The following USH2A variants were observed in gnomAD, a reference collection of about 807,000 sequenced individuals.
USH2A encodes usherin, also known as Usher syndrome 2A (autosomal recessive, mild).
Under a neutral mutation model 538.9 loss-of-function variants are expected in USH2A, and 443 were observed. The ratio of observed to expected loss-of-function variants is 0.82; its 90% CI spans 0.76 to 0.89. The LOEUF is 0.89. Ranked by LOEUF, USH2A falls within the 40% of genes least tolerant of loss-of-function variation. The pLI, the probability that USH2A is intolerant of heterozygous loss-of-function variation, is 0.00. For missense variants in USH2A, 6,633 were observed against 6,324.8 expected (o/e 1.05, Z -1.65); for synonymous variants, 2,413 against 2,273.5 (o/e 1.06, Z -1.75).
At chr1:215,990,653 G>A (rs1338901241) in intron 35 of USH2A, among the ~76,000 whole-genome samples, 1 of 151,848 alleles carries the variant, frequency 6.6e-6, no homozygotes, top group Non-Finnish European at 1.5e-5. Flanking sequence ...TTAAGGAAGA[G>A]TAGAATGATT....
intron 21 of USH2A, among the ~76,000 whole-genome samples, chr1:216,120,025 T>C (rs180758629): frequency 2.8e-3 from 432 of 152,194 alleles, no homozygotes; most frequent in African/African-American, 1.0e-2. Flanking sequence ...ATAAACATTT[T>C]TCTAATGTGG....
At chr1:216,178,913 G>A (rs1424848666) in intron 20 of USH2A, among the ~76,000 whole-genome samples, 1 of 152,138 alleles carries the variant, frequency 6.6e-6, no homozygotes, top group Non-Finnish European at 1.5e-5. Context: ...CACCAAAGAT[G>A]TAGACAGAGC....
intron 61 of USH2A, among the ~76,000 whole-genome samples, chr1:215,686,581 G>A (rs1202111714): frequency 2.0e-5 from 3 of 151,986 alleles, no homozygotes; most frequent in Non-Finnish European, 2.9e-5. Context: ...CATTTGTTAG[G>A]AAACAATAAG....
chr1:215,949,752 T>C (rs79270451), intron 37 of USH2A, among the ~76,000 whole-genome samples: 4,878 of 152,150 alleles, frequency 0.032, 122 homozygotes, highest in South Asian at 0.083. Context: ...TCTGAAGTAC[T>C]ACATCATAAA....
intron 47 of USH2A, among the ~76,000 whole-genome samples, chr1:215,823,574 C>T (rs1201035014): frequency 1.3e-5 from 2 of 151,994 alleles, no homozygotes; most frequent in African/African-American, 4.8e-5. Flanking sequence ...GGATATTTCT[C>T]TGTTTCTTAC....
intron 43 of USH2A, among the ~76,000 whole-genome samples, chr1:215,876,894 G>A (rs1392614297): frequency 6.6e-6 from 1 of 152,130 alleles, no homozygotes; most frequent in Admixed American, 6.5e-5. Context: ...GAAAGGGATG[G>A]GAGACAAGGC....
At chr1:215,746,837 C>T (rs983599806) in intron 58 of USH2A, among the ~76,000 whole-genome samples, 1 of 152,154 alleles carries the variant, frequency 6.6e-6, no homozygotes, top group African/African-American at 2.4e-5. Context: ...TAAGGACTTA[C>T]TGTGCCTTTT....
At chr1:215,988,678 GT>G (rs995840558) in intron 35 of USH2A, among the ~76,000 whole-genome samples, 3 of 152,020 alleles carry the variant, frequency 2.0e-5, no homozygotes, top group Non-Finnish European at 4.4e-5. Context: ...GTTGTTTTCT[GT>G]TTTTTTCTTT....
intron 61 of USH2A, among the ~76,000 whole-genome samples, chr1:215,720,543 C>A (rs1247453856): frequency 6.6e-6 from 1 of 152,092 alleles, no homozygotes; most frequent in Non-Finnish European, 1.5e-5. Flanking sequence ...AGGTTTCATC[C>A]AGCATGATAG....
In USH2A at chr1:215,677,794, C is replaced by T. The variant is rs1179910001; in HGVS notation, c.12295-2178G>A. On this transcript the variant is annotated intron_variant, in intron 62 of 71. Transcript: ENST00000307340. ...TCAACAGGTTGAGTTACATTCTCTC[C>T]ATAGCTGATCTCCTCTGGCACCATG... Among the ~76,000 whole-genome samples the T allele has an allele frequency of 2.0e-5, 3 of 152,208 alleles. No individual in the cohort carries two copies. The South Asian group carries it at 6.2e-4, about 32-fold the overall frequency.
intron 4 of USH2A, among the ~76,000 whole-genome samples, chr1:216,364,361 TA>T (rs1432289972): frequency 6.6e-6 from 1 of 152,158 alleles, no homozygotes; most frequent in African/African-American, 2.4e-5. Flanking sequence ...TGAAATTACT[TA>T]AAAACTGATC....
At chr1:216,334,881 T>C (rs1344083939) in intron 4 of USH2A, among the ~76,000 whole-genome samples, 1 of 151,820 alleles carries the variant, frequency 6.6e-6, no homozygotes, top group Admixed American at 6.6e-5. Flanking sequence ...CTACTTTCAA[T>C]CATGGAGAGA....
intron 71 of USH2A, among the ~76,000 whole-genome samples, chr1:215,628,473 G>A (rs1656139936): frequency 6.6e-6 from 1 of 152,068 alleles, no homozygotes; most frequent in African/African-American, 2.4e-5. Flanking sequence ...AGTACAGACA[G>A]GGTTTCACCA....
intron 56 of USH2A, 29 bp downstream of exon 56, chr1:215,766,652 C>G: frequency 6.3e-7 from 1 of 1,594,672 alleles, no homozygotes; most frequent in Non-Finnish European, 8.6e-7. Flanking sequence ...AAAATTTCTT[C>G]CCTCAAACCA....
chr1:216,390,892 G>C (rs987510152), intron 3 of USH2A, among the ~76,000 whole-genome samples: 1 of 152,084 alleles, frequency 6.6e-6, no homozygotes. Context: ...AACTGGAGGG[G>C]TGCAAGTTAT....
intron 13 of USH2A, among the ~76,000 whole-genome samples, chr1:216,242,699 A>G (rs904200779): frequency 1.3e-5 from 2 of 152,144 alleles, no homozygotes; most frequent in East Asian, 3.9e-4. Flanking sequence ...AAACATGGCT[A>G]CCCAGTTCAC....
intron 34 of USH2A, among the ~76,000 whole-genome samples, chr1:215,994,959 T>C (rs954869787): frequency 2.0e-5 from 3 of 152,186 alleles, no homozygotes; most frequent in African/African-American, 7.2e-5. Context: ...AAAAAATCCA[T>C]CCATTTGCAT....
rs766099008 is a variant in USH2A at position 216,325,256 on chromosome 1, G to T, written c.1143+49C>A. Reference sequence around the variant, plus strand: ...TAAGACATGAAGTTTGTGGGCATTTGTTGCAATAACCACAGGAAATTAATG... The same window carrying T: ...TAAGACATGAAGTTTGTGGGCATTTTTTGCAATAACCACAGGAAATTAATG... On this transcript the variant is annotated intron_variant, in intron 6 of 71. Transcript: ENST00000307340. 7.5e-6 allele frequency: 12 copies of T among 1,590,282 alleles called. No homozygotes were observed. The African/African-American group carries it at 8.1e-5, about 11-fold the overall frequency.
intron 32 of USH2A, among the ~76,000 whole-genome samples, chr1:216,031,344 T>C (rs1323097306): frequency 2.0e-5 from 3 of 152,128 alleles, no homozygotes; most frequent in Admixed American, 1.3e-4. Context: ...CAAGGGTAAA[T>C]ACTTTAGCAG....
Sources: gnomAD v4.1 joint callset for allele counts (sites outside exome capture counted in the v4.1 genomes callset) on GRCh38, gnomAD v4.1.1 for gene constraint, MANE v1.5 for transcripts, NCBI Gene and HGNC (gene_info 2026-07-23, HGNC 2026-07-21) for gene names.